BRD9: variants seen among roughly 807,000 people sequenced by gnomAD.
BRD9 encodes bromodomain containing 9, also known as bromodomain-containing protein 9.
Under a neutral mutation model 68.7 loss-of-function variants are expected in BRD9, and 47 were observed. The observed-to-expected ratio is 0.68, with a 90% CI of 0.54 to 0.87. The LOEUF (loss-of-function observed/expected upper bound fraction) is 0.87. Ranked by LOEUF, BRD9 falls within the 40% of genes least tolerant of loss-of-function variation. The pLI is 0.00. For synonymous variants in BRD9, 313 were observed against 293.9 expected, an observed-to-expected ratio of 1.06 and a Z score of -0.67; for missense variants, 670 against 748.4, an observed-to-expected ratio of 0.90 and a Z score of 1.22.
At position 865,374 on chromosome 5, in the gene BRD9, T is replaced by C. The variant is rs371367608; in HGVS notation, c.1693+40A>G. The C allele has an allele frequency of 2.6e-6, 4 of 1,536,016 alleles. No homozygotes were observed. The African/African-American group carries it at 5.5e-5, about 21-fold the overall frequency. On this transcript the variant is annotated intron_variant, in intron 15 of 15. Transcript: ENST00000467963. ...CGTCTAGACGTCACACTGACTGTGC[T>C]GGGGTCTCTGGGGATGCGGCGTGGG...
chr5:881,367 GTGCCAA>G (rs774057729), intron 8 of BRD9, 185 bp from the exon 9 acceptor site: 14 of 623,652 alleles, frequency 2.2e-5, no homozygotes, highest in Non-Finnish European at 4.0e-5. Context: ...GCGCGCACAG[GTGCCAA>G]GGAGAACCTC....
chr5:863,940 T>G lies in BRD9; in HGVS notation c.*528A>C, dbSNP rs536148184. On this transcript the variant is annotated 3_prime_UTR_variant, in exon 16 of 16. Transcript: ENST00000467963. ...GACACAAACTATGACAGGAACACAC[T>G]GGACTGATACAGAATGAGGCCAGAC... 1 of 153,342 alleles carries G rather than the reference T, an allele frequency of 6.5e-6. No individual in the cohort carries two copies. The highest frequency in any genetic ancestry group is 2.1e-4 in the South Asian group (1 of 4,868). 9.5% of individuals were successfully genotyped at this position (153,342 alleles called of 1,614,324 possible).
chr5:877,651 T>C (rs1033876970), intron 11 of BRD9, among the ~76,000 whole-genome samples: 14 of 152,222 alleles, frequency 9.2e-5, no homozygotes, highest in African/African-American at 2.9e-4. Flanking sequence ...AGCAGGCTGC[T>C]ACATTTGTGA....
At chr5:891,980 G>A (rs116195963) in intron 1 of BRD9, 126 bp from the exon 2 acceptor site, 6 of 1,414,874 alleles carry the variant, frequency 4.2e-6, no homozygotes, top group African/African-American at 1.4e-5. Flanking sequence ...CCAACCAGCA[G>A]GGAAAGACGG....
At position 885,241 on chromosome 5, in the gene BRD9, G is replaced by T. The variant is rs560574866; in HGVS notation, c.834-1171C>A. Among the ~76,000 whole-genome samples, 136 of 152,366 alleles carry T rather than the reference G, an allele frequency of 8.9e-4. 1 individual carries two copies. The highest frequency in any genetic ancestry group is 3.2e-3 in the African/African-American group (133 of 41,588). ...ACGGCAGCGGGGTGGGAAATGCAAC[G>T]CACGTGGGGAGACCGCCTTAGGGGA... is the stretch of plus-strand genomic sequence containing the variant. On this transcript the variant is annotated intron_variant, in intron 7 of 15. Transcript: ENST00000467963.
intron 3 of BRD9, among the ~76,000 whole-genome samples, 159 bp downstream of exon 3, chr5:890,996 A>G (rs1338179789): frequency 6.6e-6 from 1 of 152,214 alleles, no homozygotes; most frequent in Non-Finnish European, 1.5e-5. Flanking sequence ...GAGACACCGG[A>G]GGAAACCTCA....
Position 892,124 on chromosome 5 carries a change from A to C in BRD9, c.53-270T>G, listed in dbSNP as rs146259797. ...GGGATGTTGTTCACATTACTCGTTCAAGAAGATGGATTAAGAGGGACCTGG... is the reference window on the plus strand; with the variant it reads ...GGGATGTTGTTCACATTACTCGTTCCAGAAGATGGATTAAGAGGGACCTGG... On this transcript the variant is annotated intron_variant, in intron 1 of 15. Coordinates refer to ENST00000467963, the MANE Select transcript of BRD9 (RefSeq NM_023924.5). 3.1e-3 allele frequency: 1,579 copies of C among 513,446 alleles called. 21 individuals carry two copies. Among genetic ancestry groups the C allele is most frequent in the African/African-American group, 0.027 (1,406 of 51,810 alleles). The allele number at this position is 513,446 out of a possible 1,614,324, so 31.8% of individuals were successfully genotyped here. A position where few individuals can be genotyped will look rare whatever the true frequency, so the allele number is the denominator to read the frequency against.
chr5:871,668 G>T, intron 12 of BRD9, 104 bp from the exon 13 acceptor site: 1 of 1,046,900 alleles, frequency 9.6e-7, no homozygotes, highest in Non-Finnish European at 1.5e-6. Context: ...GTGCGCTTCT[G>T]CGAATTCTGC....
chr5:871,767 C>T lies in BRD9; in HGVS notation c.1384-203G>A, dbSNP rs533432805. Reference sequence around the variant, plus strand: ...TCACTGACCCAACCACGCCCAGCCCCCTCCTCAGCGCCAGGATTGTGTGCC... The same window carrying T: ...TCACTGACCCAACCACGCCCAGCCCTCTCCTCAGCGCCAGGATTGTGTGCC... On this transcript the variant is annotated intron_variant, in intron 12 of 15. Transcript: ENST00000467963. 1.3e-5 allele frequency among the ~76,000 whole-genome samples: 2 copies of T among 152,368 alleles called. 1 individual carries two copies. Among genetic ancestry groups the T allele is most frequent in the South Asian group, 4.1e-4 (2 of 4,828 alleles).
At position 878,382 on chromosome 5, in the gene BRD9, T is replaced by A. The variant is rs955603111; in HGVS notation, c.1244A>T (p.Asp415Val). 1.2e-6 allele frequency: 2 copies of A among 1,614,074 alleles called. No individual in the cohort carries two copies. Among genetic ancestry groups the A allele is most frequent in the Non-Finnish European group, 1.7e-6 (2 of 1,180,058 alleles). ...CAGCGCACACTGCACGCCTGTCTCA[T>A]CTCCGTAGGCTGAGTAGAGCAGCTC... ...EMELLYSAYG[D>V]ETGVQCALSL... Residue 415 changes from aspartate (D) to valine (V), a missense_variant, in exon 11 of 16, where the codon GAT (aspartate) becomes GTT (valine). Physicochemically the swap from Asp to Val is radical, Grantham distance 152 (BLOSUM62 -3). Coordinates refer to ENST00000467963, the MANE Select transcript of BRD9 (RefSeq NM_023924.5).
At chr5:887,856 C>T in intron 5 of BRD9, among the ~76,000 whole-genome samples, 1 of 152,220 alleles carries the variant, frequency 6.6e-6, no homozygotes, top group Non-Finnish European at 1.5e-5. Flanking sequence ...ACAGTGATAG[C>T]CTCTATCTCT....
intron 12 of BRD9, among the ~76,000 whole-genome samples, chr5:874,477 G>A (rs180687133): frequency 6.6e-6 from 1 of 152,268 alleles, no homozygotes; most frequent in East Asian, 1.9e-4. Context: ...AAATTTCCCA[G>A]CGGCCATGTG....
rs78752061 is a variant in BRD9, at chr5:875,144, G to A, written c.1383+957C>T. Among the ~76,000 whole-genome samples, 816 of 152,318 alleles carry A rather than the reference G, an allele frequency of 5.4e-3. 7 individuals are homozygous for A. Among genetic ancestry groups the A allele is most frequent in the African/African-American group, 0.019 (787 of 41,562 alleles). On this transcript the variant is annotated intron_variant, in intron 12 of 15. Transcript: ENST00000467963. ...AGCACCGGCCAGATCCCGTCCTGCC[G>A]AGGGCCCGGGAGTGAGCAGCCGAGG...
In BRD9 at chr5:887,458, A is replaced by C; in HGVS notation, c.620T>G (p.Leu207Arg). 1 of 1,613,588 alleles carries C rather than the reference A, an allele frequency of 6.2e-7. No homozygotes were observed. The highest frequency in any genetic ancestry group is 8.5e-7 in the Non-Finnish European group (1 of 1,179,652). Residue 207 changes from leucine (L) to arginine (R), a missense_variant, in exon 6 of 16, where the codon CTG becomes CGG. Coordinates refer to ENST00000467963, the MANE Select transcript of BRD9 (RefSeq NM_023924.5). Reference sequence around the variant, plus strand: ...GTATGTCATTGCATTATCACACATCAGCTTGAAATCTGCCTGAAAAGAAAA... The same window carrying C: ...GTATGTCATTGCATTATCACACATCCGCTTGAAATCTGCCTGAAAAGAAAA... ...SVTEFKADFK[L>R]MCDNAMTYNR...
rs573741974 is a variant in BRD9 at position 885,907 on chromosome 5, A to C, written c.833+685T>G. 2.6e-5 allele frequency among the ~76,000 whole-genome samples: 4 copies of C among 152,284 alleles called. 1 individual carries two copies. In the South Asian group the frequency reaches 8.3e-4, roughly 32 times the overall value. ...TCTACAGGAATGACGTGTGATACGGACTTTGATACAATCTCAATGCTCAGC... is the reference window on the plus strand; with the variant it reads ...TCTACAGGAATGACGTGTGATACGGCCTTTGATACAATCTCAATGCTCAGC... On this transcript the variant is annotated intron_variant, in intron 7 of 15. Transcript: ENST00000467963.
At position 865,455 on chromosome 5, in the gene BRD9, C is replaced by T. The variant is rs1489333251; in HGVS notation, c.1652G>A (p.Ser551Asn). The T allele has an allele frequency of 6.3e-7, 1 of 1,597,596 alleles. No individual in the cohort carries two copies. Among genetic ancestry groups the T allele is most frequent in the East Asian group, 2.3e-5 (1 of 44,424 alleles). The change falls in exon 15 of 16, where the codon AGC becomes AAC. Residue 551 changes from serine to asparagine, a missense_variant. By Grantham distance (46) the Ser-to-Asn change is conservative. Around this residue, in one of 5 missense-constraint regions of BRD9, gnomAD observed 280 missense variants for 281.5 expected, o/e 0.99. Coordinates refer to ENST00000467963, the MANE Select transcript of BRD9 (RefSeq NM_023924.5). ...CCTCTCGGAGGCGTTGGACAGGGAG[C>T]TGAGGTTGGACGACGGCCGAGAGCC... ...RGGSRPSSNL[S>N]SLSNASERDQ...
intron 14 of BRD9, chr5:869,497 G>A (rs1749830808): frequency 7.8e-6 from 3 of 385,006 alleles, no homozygotes; most frequent in South Asian, 2.0e-5. Flanking sequence ...ATTCTGTAGA[G>A]AATCTCCTGC....
At chr5:883,772 A>G in intron 8 of BRD9, 166 bp downstream of exon 8, 1 of 989,584 alleles carries the variant, frequency 1.0e-6, no homozygotes, top group Non-Finnish European at 1.5e-6. Context: ...CCCCGACTGA[A>G]GAGACCAGCC....
Position 885,976 on chromosome 5 carries a change from A to C in BRD9, c.833+616T>G, listed in dbSNP as rs560275450. Reference sequence around the variant, plus strand: ...CCCCATGAAAACCACTCTGGGGTTTAGAAAAAAAGGAAGAAGGTTCCCTGA... The same window carrying C: ...CCCCATGAAAACCACTCTGGGGTTTCGAAAAAAAGGAAGAAGGTTCCCTGA... On this transcript the variant is annotated intron_variant, in intron 7 of 15. Coordinates refer to ENST00000467963, the MANE Select transcript of BRD9 (RefSeq NM_023924.5). 2.6e-3 allele frequency among the ~76,000 whole-genome samples: 390 copies of C among 152,334 alleles called. 1 individual carries two copies. The highest frequency in any genetic ancestry group is 4.5e-3 in the Non-Finnish European group (306 of 68,028).
Sources: allele counts gnomAD v4.1 joint callset (sites outside exome capture counted in the v4.1 genomes callset), GRCh38; gene constraint gnomAD v4.1.1; regional missense constraint gnomAD v4.1.1; transcripts MANE v1.5; gene names NCBI Gene and HGNC (gene_info 2026-07-23, HGNC 2026-07-21).